The following STARD13 variants were observed in gnomAD, a reference collection of about 807,000 sequenced individuals.
The protein encoded by STARD13 is StAR related lipid transfer domain containing 13.
STARD13 carries 62 observed loss-of-function variants against 106.4 expected under a neutral mutation model. The ratio of observed to expected loss-of-function variants is 0.58; its 90% confidence interval spans 0.48 to 0.72. The LOEUF is 0.72. Ranked by LOEUF, STARD13 falls within the 30% of genes least tolerant of loss-of-function variation. The pLI, the probability that STARD13 is intolerant of heterozygous loss-of-function variation, is 0.00. For synonymous variants in STARD13, 565 were observed against 553.0 expected (o/e 1.02, Z -0.31); for missense variants, 1,387 against 1,424.0 (o/e 0.97, Z 0.42).
intron 1 of STARD13, among the ~76,000 whole-genome samples, chr13:33,282,997 T>C (rs967411891): frequency 2.0e-5 from 3 of 152,070 alleles, no homozygotes; most frequent in Admixed American, 1.3e-4. Flanking sequence ...ACCACTGCAC[T>C]CCAGCCTCGG....
chr13:33,129,468 T>C lies in STARD13; in HGVS notation c.1209A>G (p.Pro403=). Residue 403 remains proline, a synonymous_variant, in exon 5 of 14, where the codon CCA becomes CCG. Transcript: ENST00000336934. ...TAGAAAGTGCCTTGGGGAATGTTCC[T>C]GGTTTGTGATCCTTGGGAATATGCA... The part of the protein sequence containing the change: ...LVVHIPKDHK[P]GTFPKALSIE... 1.2e-6 allele frequency: 2 copies of C among 1,614,222 alleles called. No homozygotes were observed. The highest frequency in any genetic ancestry group is 8.5e-7 in the Non-Finnish European group (1 of 1,180,038).
At chr13:33,109,781 C>T in intron 12 of STARD13, 92 bp downstream of exon 12, 1 of 1,253,924 alleles carries the variant, frequency 8.0e-7, no homozygotes, top group Non-Finnish European at 1.1e-6. Context: ...GGAGGCTGGA[C>T]TTTGGTGGGA....
intron 1 of STARD13, chr13:33,185,736 C>T: frequency 1.3e-6 from 1 of 742,032 alleles, no homozygotes; most frequent in East Asian, 2.6e-5. Flanking sequence ...CTTTGCCTCT[C>T]TGATTCCCAG....
the STARD13 span, among the ~76,000 whole-genome samples, chr13:33,674,429 A>G: frequency 6.6e-6 from 1 of 152,254 alleles, no homozygotes; most frequent in Non-Finnish European, 1.5e-5. Context: ...CAAATGACAT[A>G]TTCTTTAAAT....
At chr13:33,411,424 G>T in the STARD13 span, among the ~76,000 whole-genome samples, 1 of 152,108 alleles carries the variant, frequency 6.6e-6, no homozygotes, top group African/African-American at 2.4e-5. Flanking sequence ...ACCATAGCCT[G>T]CTCAAATGCA....
At chr13:33,176,203 C>A (rs1884500961) in intron 1 of STARD13, among the ~76,000 whole-genome samples, 1 of 152,168 alleles carries the variant, frequency 6.6e-6, no homozygotes, top group Non-Finnish European at 1.5e-5. Flanking sequence ...GAAAAGATTT[C>A]CACAGCTCAA....
At chr13:33,639,016 A>G in the STARD13 span, among the ~76,000 whole-genome samples, 2 of 151,892 alleles carry the variant, frequency 1.3e-5, no homozygotes, top group Admixed American at 6.6e-5. Context: ...TGAACCAGAC[A>G]TTTTTCTAGG....
chr13:33,205,384 C>T (rs1378856085), intron 1 of STARD13, among the ~76,000 whole-genome samples: 2 of 152,120 alleles, frequency 1.3e-5, no homozygotes, highest in African/African-American at 4.8e-5. Context: ...TAACGTAGCC[C>T]ATGGAATTAA....
the STARD13 span, among the ~76,000 whole-genome samples, chr13:33,477,002 G>T: frequency 6.6e-6 from 1 of 152,268 alleles, no homozygotes; most frequent in South Asian, 2.1e-4. Flanking sequence ...CTGTAAAAGA[G>T]GTGGGCACAT....
chr13:33,532,505 T>C, the STARD13 span, among the ~76,000 whole-genome samples: 1 of 152,196 alleles, frequency 6.6e-6, no homozygotes, highest in Non-Finnish European at 1.5e-5. Flanking sequence ...TGAATAATAA[T>C]TTTTAGCATT....
chr13:33,533,361 T>C, the STARD13 span, among the ~76,000 whole-genome samples: 3 of 152,288 alleles, frequency 2.0e-5, no homozygotes, highest in African/African-American at 7.2e-5. Flanking sequence ...TTAGGTAAGA[T>C]TATGAAGCTA....
upstream of STARD13, among the ~76,000 whole-genome samples, chr13:33,352,997 G>A (rs1185062773): frequency 2.6e-5 from 4 of 151,998 alleles, no homozygotes; most frequent in South Asian, 2.1e-4. Flanking sequence ...CCCTCCCATC[G>A]CAGCGGAAGA....
the STARD13 span, among the ~76,000 whole-genome samples, chr13:33,423,422 A>C: frequency 6.6e-6 from 1 of 152,226 alleles, no homozygotes; most frequent in African/African-American, 2.4e-5. Flanking sequence ...TAGAATGGCA[A>C]TCATTAAAAA....
chr13:33,253,056 T>G (rs1320701687), intron 1 of STARD13, among the ~76,000 whole-genome samples: 1 of 152,210 alleles, frequency 6.6e-6, no homozygotes, highest in Non-Finnish European at 1.5e-5. Flanking sequence ...CCCATGATAC[T>G]TAGATCCTAG....
upstream of STARD13, chr13:33,285,883 CA>C: frequency 1.3e-6 from 1 of 756,920 alleles, no homozygotes; most frequent in Non-Finnish European, 1.8e-6. Context: ...AAGCCCCGAC[CA>C]GAGGCAGTTC....
intron 1 of STARD13, 143 bp downstream of exon 1, chr13:33,285,327 T>C: frequency 1.1e-6 from 1 of 902,282 alleles, no homozygotes; most frequent in South Asian, 1.7e-5. Flanking sequence ...AGCCTAAAGT[T>C]ATTTTTCAAA....
At chr13:33,329,655 ATG>A (rs34427794) in intron 1 of STARD13, among the ~76,000 whole-genome samples, 109,625 of 144,106 alleles carry the variant, frequency 0.76, 41,636 homozygotes, top group East Asian at 0.96. Flanking sequence ...GTGTGTGTGT[ATG>A]TGTGTGTGTG....
At chr13:33,113,663 GAGA>G (rs1202215942) in intron 8 of STARD13, 4 of 460,112 alleles carry the variant, frequency 8.7e-6, no homozygotes, top group East Asian at 6.6e-5. Context: ...GCTGTGCTTG[GAGA>G]AGAAGAACCA....
chr13:33,136,002 G>A (rs1879002235), intron 4 of STARD13, among the ~76,000 whole-genome samples: 1 of 152,030 alleles, frequency 6.6e-6, no homozygotes, highest in African/African-American at 2.4e-5. Flanking sequence ...CATGCCTGTA[G>A]TCACAGCTAC....
Sources: allele counts gnomAD v4.1 joint callset (sites outside exome capture counted in the v4.1 genomes callset), GRCh38; gene constraint gnomAD v4.1.1; transcripts MANE v1.5; gene names NCBI Gene and HGNC (gene_info 2026-07-23, HGNC 2026-07-21).